The following KCNH1 variants were observed in gnomAD, a reference collection of about 807,000 sequenced individuals.
The protein encoded by KCNH1 is potassium voltage-gated channel subfamily H member 1, also known as voltage-gated delayed rectifier potassium channel KCNH1.
In KCNH1, 27 loss-of-function variants were observed where a neutral mutation model predicts 69.2. The observed-to-expected ratio is 0.39, with a 90% confidence interval of 0.29 to 0.54. The LOEUF is 0.54. Ranked by LOEUF, KCNH1 falls within the 20% of genes least tolerant of loss-of-function variation. The probability of loss-of-function intolerance (pLI) is 0.68; values close to 1 mark genes in which losing one functional copy is unlikely to be tolerated. For missense variants in KCNH1, 798 were observed against 1,261.6 expected, an observed-to-expected ratio of 0.63 and a Z score of 5.57; for synonymous variants, 456 against 487.7, an observed-to-expected ratio of 0.93 and a Z score of 0.86.
intron 10 of KCNH1, among the ~76,000 whole-genome samples, chr1:210,720,008 C>T (rs748723083): frequency 2.2e-4 from 34 of 152,052 alleles, no homozygotes; most frequent in Non-Finnish European, 3.7e-4. Flanking sequence ...TTAAATGCAG[C>T]GGCATGCAGA....
chr1:210,709,742 A>AGAGAGAGAG (rs1682018300), intron 10 of KCNH1, among the ~76,000 whole-genome samples: 1 of 144,942 alleles, frequency 6.9e-6, no homozygotes, highest in Admixed American at 6.8e-5. Flanking sequence ...GAGAGAGAGA[A>AGAGAGAGAG]AGAGAGAGAG....
At chr1:210,992,781 A>G (rs1229889393) in intron 6 of KCNH1, among the ~76,000 whole-genome samples, 7 of 152,198 alleles carry the variant, frequency 4.6e-5, no homozygotes, top group Non-Finnish European at 1.0e-4. Context: ...GAAGTCTCCT[A>G]TATTGCTTAG....
intron 5 of KCNH1, among the ~76,000 whole-genome samples, chr1:211,079,355 C>G (rs1690806819): frequency 6.6e-6 from 1 of 152,130 alleles, no homozygotes; most frequent in Non-Finnish European, 1.5e-5. Flanking sequence ...ACTCCACGAC[C>G]AGATGGATTC....
At chr1:210,709,922 C>T (rs1234859797) in intron 10 of KCNH1, among the ~76,000 whole-genome samples, 3 of 152,194 alleles carry the variant, frequency 2.0e-5, no homozygotes, top group Admixed American at 6.5e-5. Context: ...TGCACAATCA[C>T]TATGCTAATT....
chr1:210,769,864 C>G (rs1027983948), intron 10 of KCNH1, among the ~76,000 whole-genome samples: 2 of 152,158 alleles, frequency 1.3e-5, no homozygotes, highest in Non-Finnish European at 2.9e-5. Context: ...AGTGTGAATT[C>G]AGAACCTCTA....
intron 10 of KCNH1, among the ~76,000 whole-genome samples, chr1:210,715,622 A>ATAAT (rs1298049083): frequency 1.3e-5 from 2 of 152,160 alleles, no homozygotes; most frequent in Non-Finnish European, 2.9e-5. Flanking sequence ...TCATTAGGTC[A>ATAAT]TAATTTTCCC....
chr1:210,769,899 G>A lies in KCNH1; in HGVS notation c.2112+5449C>T, dbSNP rs564499217. Among the ~76,000 whole-genome samples, 20 of 152,308 alleles carry A rather than the reference G, an allele frequency of 1.3e-4. 1 individual carries two copies. The South Asian group carries it at 3.9e-3, about 30-fold the overall frequency. On this transcript the variant is annotated intron_variant, in intron 10 of 10. Coordinates refer to ENST00000271751, the MANE Select transcript of KCNH1 (RefSeq NM_172362.3). ...AAGACTGGAGGTGGAAGTAGGGGAT[G>A]GGCAGTGGGGAGGAGAAAGGGAAAA... is the stretch of plus-strand genomic sequence containing the variant.
At chr1:210,736,481 A>T (rs752317340) in intron 10 of KCNH1, among the ~76,000 whole-genome samples, 11 of 152,126 alleles carry the variant, frequency 7.2e-5, no homozygotes, top group Non-Finnish European at 1.3e-4. Context: ...CTGGAGGCAG[A>T]GACTGCAGTG....
At chr1:210,914,336 C>G (rs746964142) in intron 7 of KCNH1, among the ~76,000 whole-genome samples, 1 of 152,046 alleles carries the variant, frequency 6.6e-6, no homozygotes, top group South Asian at 2.1e-4. Context: ...AATTGTGACC[C>G]ACATTGTTTT....
chr1:210,844,440 A>G (rs1416696902), intron 7 of KCNH1, among the ~76,000 whole-genome samples: 2 of 152,194 alleles, frequency 1.3e-5, no homozygotes, highest in Admixed American at 6.5e-5. Flanking sequence ...AAACCGCTCA[A>G]CTACATGGAA....
chr1:210,750,545 C>G (rs1683259878), intron 10 of KCNH1, among the ~76,000 whole-genome samples: 2 of 152,270 alleles, frequency 1.3e-5, no homozygotes, highest in Non-Finnish European at 2.9e-5. Context: ...AACTGCTCAT[C>G]CCAAATCTTC....
chr1:210,997,834 C>T (rs376523193), intron 6 of KCNH1, among the ~76,000 whole-genome samples: 1 of 152,150 alleles, frequency 6.6e-6, no homozygotes, highest in Non-Finnish European at 1.5e-5. Flanking sequence ...TTCTACAAGC[C>T]AGAAGAGAGT....
chr1:211,090,229 T>C (rs189341905), intron 4 of KCNH1, among the ~76,000 whole-genome samples: 116 of 152,326 alleles, frequency 7.6e-4, no homozygotes, highest in African/African-American at 2.7e-3. Flanking sequence ...GACCACCTCA[T>C]TGGTATGACT....
At chr1:210,822,110 CAAAG>C (rs1684941646) in intron 7 of KCNH1, among the ~76,000 whole-genome samples, 1 of 151,940 alleles carries the variant, frequency 6.6e-6, no homozygotes, top group South Asian at 2.1e-4. Flanking sequence ...GATGAATAGA[CAAAG>C]AGATGTGGTA....
At chr1:211,017,392 G>A (rs769553582) in intron 6 of KCNH1, among the ~76,000 whole-genome samples, 8 of 152,080 alleles carry the variant, frequency 5.3e-5, no homozygotes, top group East Asian at 1.9e-4. Flanking sequence ...CCTATGAGCC[G>A]TTTAGTTCTG....
intron 10 of KCNH1, among the ~76,000 whole-genome samples, chr1:210,688,186 T>A (rs1458759378): frequency 6.6e-6 from 1 of 152,220 alleles, no homozygotes; most frequent in Admixed American, 6.5e-5. Flanking sequence ...AGATCCACTC[T>A]TTTGAATGAA....
chr1:210,713,339 T>C (rs1359428631), intron 10 of KCNH1, among the ~76,000 whole-genome samples: 1 of 152,230 alleles, frequency 6.6e-6, no homozygotes, highest in Admixed American at 6.5e-5. Flanking sequence ...TGGGAGTACC[T>C]AGCCCTTAAT....
chr1:211,026,196 AC>A (rs1689680432), intron 5 of KCNH1, among the ~76,000 whole-genome samples: 1 of 152,152 alleles, frequency 6.6e-6, no homozygotes, highest in Non-Finnish European at 1.5e-5. Flanking sequence ...TCTAAGTGCA[AC>A]TAAAAGCCTT....
chr1:210,972,511 A>T (rs1346100365), intron 6 of KCNH1, among the ~76,000 whole-genome samples: 1 of 152,198 alleles, frequency 6.6e-6, no homozygotes. Context: ...AAGAAAAAAG[A>T]TAAAACCCTG....
Sources: gnomAD v4.1 joint callset for allele counts (sites outside exome capture counted in the v4.1 genomes callset) on GRCh38, gnomAD v4.1.1 for gene constraint, MANE v1.5 for transcripts, NCBI Gene and HGNC (gene_info 2026-07-23, HGNC 2026-07-21) for gene names.